Variants in SOS1 observed in about 807,000 individuals in gnomAD.
The protein encoded by SOS1 is son of sevenless homolog 1.
Under a neutral mutation model 157.6 loss-of-function variants are expected in SOS1, and 25 were observed. The observed-to-expected ratio is 0.16, with a 90% CI of 0.12 to 0.22. SOS1 has a LOEUF of 0.22. Among genes scored for constraint, SOS1 ranks in the 10% least tolerant of loss-of-function variants. SOS1 has a pLI of 1.00. For synonymous variants in SOS1, 528 were observed against 534.0 expected, an observed-to-expected ratio of 0.99 and a Z score of 0.16; for missense variants, 1,237 against 1,599.1, an observed-to-expected ratio of 0.77 and a Z score of 3.86.
At chr2:39,060,079 C>A (rs1474577560) in intron 2 of SOS1, among the ~76,000 whole-genome samples, 1 of 152,070 alleles carries the variant, frequency 6.6e-6, no homozygotes, top group East Asian at 1.9e-4. Flanking sequence ...AAGGGAACAT[C>A]CAAAACAAGA....
chr2:38,982,340 C>T lies in SOS1; in HGVS notation c.*3484G>A, dbSNP rs1352939101. 3 of 152,026 alleles carry T rather than the reference C, an allele frequency of 2.0e-5. No individual in the cohort carries two copies. Among genetic ancestry groups the T allele is most frequent in the African/African-American group, 4.8e-5 (2 of 41,404 alleles). 9.4% of individuals were successfully genotyped at this position (152,026 alleles called of 1,614,324 possible). A position where few individuals can be genotyped will look rare whatever the true frequency, so the allele number is the denominator to read the frequency against. On this transcript the variant is annotated 3_prime_UTR_variant, in exon 23 of 23. Coordinates refer to ENST00000402219, the MANE Select transcript of SOS1 (RefSeq NM_005633.4). The stretch of plus-strand genomic sequence containing the variant: ...TAGAGCTCAAAATATTTCATTGGCT[C>T]ATGTATAAGGGATTATGAAATAATC...
At chr2:39,003,772 G>A (rs1475641799) in intron 17 of SOS1, among the ~76,000 whole-genome samples, 1 of 152,046 alleles carries the variant, frequency 6.6e-6, no homozygotes, top group Non-Finnish European at 1.5e-5. Context: ...AAAAAAAAAG[G>A]ACTGAAGAAA....
intron 9 of SOS1, 170 bp downstream of exon 9, chr2:39,023,840 T>A: frequency 1.7e-6 from 1 of 599,322 alleles, no homozygotes; most frequent in Non-Finnish European, 2.9e-6. Flanking sequence ...TATGAAAGGT[T>A]TTTCAAACAA....
chr2:39,102,173 C>A (rs566972564), intron 1 of SOS1, among the ~76,000 whole-genome samples: 1 of 114,796 alleles, frequency 8.7e-6, no homozygotes, highest in South Asian at 3.1e-4. Context: ...CCATTGCATT[C>A]CAGCCCGGGT....
At chr2:39,117,785 A>T (rs1397710306) in intron 1 of SOS1, among the ~76,000 whole-genome samples, 2 of 152,250 alleles carry the variant, frequency 1.3e-5, no homozygotes, top group Non-Finnish European at 2.9e-5. Context: ...CTAGAAGAAC[A>T]TGTCAAAGGG....
chr2:39,068,105 C>A (rs1333764466), intron 1 of SOS1, among the ~76,000 whole-genome samples: 1 of 152,038 alleles, frequency 6.6e-6, no homozygotes, highest in Non-Finnish European at 1.5e-5. Flanking sequence ...GGCAACAGAG[C>A]AAGACTCTGT....
intron 1 of SOS1, among the ~76,000 whole-genome samples, chr2:39,090,652 C>T (rs907684655): frequency 1.5e-4 from 23 of 151,964 alleles, no homozygotes; most frequent in Admixed American, 4.6e-4. Context: ...GCCCAGATCG[C>T]GCCATTGCAC....
intron 1 of SOS1, among the ~76,000 whole-genome samples, chr2:39,089,972 C>T (rs1223184637): frequency 8.0e-6 from 1 of 125,348 alleles, no homozygotes. Flanking sequence ...ACTAAAAATA[C>T]AAAAAAAAAA....
intron 8 of SOS1, 43 bp downstream of exon 8, chr2:39,035,169 C>A: frequency 1.5e-6 from 2 of 1,366,130 alleles, no homozygotes; most frequent in Non-Finnish European, 2.1e-6. Flanking sequence ...AAAAAAAATT[C>A]ACACTTGAAT....
At chr2:39,067,874 T>C in intron 1 of SOS1, 121 bp from the exon 2 acceptor site, 1 of 842,162 alleles carries the variant, frequency 1.2e-6, no homozygotes, top group East Asian at 2.6e-5. Flanking sequence ...ATGCCAGCAC[T>C]CTGGGAGGCC....
Position 39,013,554 on chromosome 2 carries a change from A to G in SOS1, c.2073T>C (p.Asn691=), listed in dbSNP as rs1420416752. 1 of 1,594,042 alleles carries G rather than the reference A, an allele frequency of 6.3e-7. No homozygotes were observed. The highest frequency in any genetic ancestry group is 1.1e-5 in the South Asian group (1 of 90,694). The part of the protein sequence containing the change: ...YIQPVQLRVL[N]VCRHWVEHHF... ...GGTGCTCTACCCAGTGCCGACATAC[A>G]TTTAATACTCTATGGCATTAACACA... Residue 691 remains asparagine, a synonymous_variant, in exon 13 of 23, where the codon AAT becomes AAC. Coordinates refer to ENST00000402219, the MANE Select transcript of SOS1 (RefSeq NM_005633.4).
intron 1 of SOS1, among the ~76,000 whole-genome samples, chr2:39,092,122 G>A (rs566675515): frequency 5.9e-5 from 9 of 152,296 alleles, no homozygotes; most frequent in African/African-American, 1.9e-4. Context: ...CCTACATGAA[G>A]TGGTCCCTGT....
chr2:39,067,191 T>G (rs1043358250), intron 2 of SOS1, among the ~76,000 whole-genome samples: 1 of 152,058 alleles, frequency 6.6e-6, no homozygotes, highest in East Asian at 1.9e-4. Context: ...AAAACAAATT[T>G]TTTTTAGAGA....
chr2:39,045,273 A>AGTGTGTGTGTGTGTGTGTGTGT (rs60673777), intron 6 of SOS1, among the ~76,000 whole-genome samples: 4 of 108,048 alleles, frequency 3.7e-5, no homozygotes, highest in Non-Finnish European at 7.7e-5. Context: ...AGAGAGAGAG[A>AGTGTGTGTGTGTGTGTGTGTGT]GTGTGTGTGT....
intron 8 of SOS1, among the ~76,000 whole-genome samples, chr2:39,032,146 C>G (rs962363566): frequency 6.6e-5 from 10 of 152,112 alleles, no homozygotes; most frequent in African/African-American, 2.4e-4. Flanking sequence ...GTGGTGAGAA[C>G]ACAATATCTA....
At chr2:39,033,590 C>G (rs1348915775) in intron 8 of SOS1, among the ~76,000 whole-genome samples, 1 of 152,060 alleles carries the variant, frequency 6.6e-6, no homozygotes, top group Non-Finnish European at 1.5e-5. Flanking sequence ...GGCTGGAGTA[C>G]AGAGGCGTGG....
chr2:38,986,632 AT>A (rs1203759830), intron 22 of SOS1, among the ~76,000 whole-genome samples: 3 of 151,660 alleles, frequency 2.0e-5, no homozygotes, highest in Admixed American at 2.0e-4. Flanking sequence ...TGCCTGGCTA[AT>A]TTTTTTCATT....
chr2:39,091,094 C>T (rs1406989924), intron 1 of SOS1, among the ~76,000 whole-genome samples: 1 of 152,136 alleles, frequency 6.6e-6, no homozygotes, highest in Non-Finnish European at 1.5e-5. Context: ...GTCTCAAACC[C>T]CTGACTTCAG....
chr2:39,006,650 A>G (rs1669291503), intron 16 of SOS1, 121 bp from the exon 17 acceptor site: 4 of 712,712 alleles, frequency 5.6e-6, no homozygotes, highest in East Asian at 4.9e-5. Context: ...TGACTGTAAC[A>G]TTGCTTCAAA....
Sources: allele counts gnomAD v4.1 joint callset (sites outside exome capture counted in the v4.1 genomes callset), GRCh38; gene constraint gnomAD v4.1.1; transcripts MANE v1.5; gene names NCBI Gene and HGNC (gene_info 2026-07-23, HGNC 2026-07-21).